SRRT: variants seen among roughly 807,000 people sequenced by gnomAD.
SRRT encodes the protein serrate RNA effector molecule homolog.
In SRRT, 32 loss-of-function variants were observed where a neutral mutation model predicts 103.2. The ratio of observed to expected loss-of-function variants is 0.31; its 90% confidence interval spans 0.23 to 0.42. SRRT has a LOEUF of 0.42. SRRT is among the 10% of genes least tolerant of loss of function. SRRT has a pLI of 1.00. For synonymous variants in SRRT, 525 were observed against 449.0 expected (o/e 1.17, Z -2.14); for missense variants, 986 against 1,207.5 (o/e 0.82, Z 2.72).
In SRRT at chr7:100,885,726, T is replaced by C. The variant is rs1389034583; in HGVS notation, c.1343T>C (p.Met448Thr). Residue 448 changes from methionine (M) to threonine (T), a missense_variant, in exon 11 of 20, where the codon ATG (methionine) becomes ACG (threonine). Around this residue, in one of 6 missense-constraint regions of SRRT, gnomAD observed 349 missense variants for 446.9 expected, o/e 0.78. Transcript: ENST00000611405. The surrounding 1 kb of genome is among the most constrained non-coding windows in gnomAD (Gnocchi z 4.8). ...ISLCKRYPGF[M>T]RVALSEPQPE... ...CTTTGTAAAAGGTACCCAGGCTTTATGCGGGTGGCGCTCTCAGAGCCCCAG... is the reference window on the plus strand; with the variant it reads ...CTTTGTAAAAGGTACCCAGGCTTTACGCGGGTGGCGCTCTCAGAGCCCCAG... The C allele has an allele frequency of 1.2e-6, 2 of 1,613,744 alleles. No homozygotes were observed. The highest frequency in any genetic ancestry group is 1.7e-6 in the Non-Finnish European group (2 of 1,179,842).
At chr7:100,886,038 C>G (rs1790062596) in intron 12 of SRRT, 97 bp downstream of exon 12, 2 of 1,448,612 alleles carry the variant, frequency 1.4e-6, no homozygotes, top group Non-Finnish European at 1.9e-6. Context: ...TTTGGTTGTT[C>G]TGCACACTCT....
chr7:100,885,915 A>G lies in SRRT; in HGVS notation c.1432A>G (p.Ile478Val). The G allele has an allele frequency of 1.9e-6, 3 of 1,613,876 alleles. No homozygotes were observed. Among genetic ancestry groups the G allele is most frequent in the Non-Finnish European group, 2.5e-6 (3 of 1,179,992 alleles). Residue 478 changes from isoleucine (I) to valine (V), a missense_variant, in exon 12 of 20, where the codon ATC becomes GTC. Coordinates refer to ENST00000611405, the MANE Select transcript of SRRT (RefSeq NM_015908.6). The surrounding 1 kb of genome is among the most constrained non-coding windows in gnomAD (Gnocchi z 4.8). ...TFDRSVNIKE[I>V]CWNLQNIRLR... ...CGACCGCAGTGTTAACATTAAAGAG[A>G]TCTGTTGGAACCTGCAGAACATCCG...
Position 100,884,756 on chromosome 7 carries a change from C to T in SRRT, c.959C>T (p.Ser320Phe). The T allele has an allele frequency of 6.2e-7, 1 of 1,613,884 alleles. No individual in the cohort carries two copies. Among genetic ancestry groups the T allele is most frequent in the Non-Finnish European group, 8.5e-7 (1 of 1,179,930 alleles). Residue 320 changes from serine (S) to phenylalanine (F), a missense_variant, in exon 8 of 20, where the codon TCT becomes TTT. Physicochemically the swap from Ser to Phe is radical, Grantham distance 155 (BLOSUM62 -2). Transcript: ENST00000611405. ...TTACCATAGGCTGAGAATGACAGTT[C>T]TAATGATGACAAAACAAAGAAGTCG... Reference protein sequence around the residue: ...EDGKQAENDSSNDDKTKKSEG... With the variant: ...EDGKQAENDSFNDDKTKKSEG...
Position 100,886,424 on chromosome 7 carries a change from C to A in SRRT, c.1636C>A (p.Pro546Thr), listed in dbSNP as rs765139403. Residue 546 changes from proline to threonine, a missense_variant, in exon 13 of 20, where the codon CCC (proline) becomes ACC (threonine). Physicochemically the swap from Pro to Thr is conservative, Grantham distance 38. Coordinates refer to ENST00000611405, the MANE Select transcript of SRRT (RefSeq NM_015908.6). ...TTGGGCCTCAGAACCAGGGACGCCT[C>A]CCCTGCCCACGGTCAGTGACTCCCC... ...QLWASEPGTP[P>T]LPTSLPSQNP... is the part of the protein sequence containing the mutation. 23 of 1,611,832 alleles carry A rather than the reference C, an allele frequency of 1.4e-5. No individual in the cohort carries two copies. The South Asian group carries it at 2.2e-4, about 15-fold the overall frequency.
At position 100,875,169 on chromosome 7, in the gene SRRT, C is replaced by G. The variant is rs190483545; in HGVS notation, c.-178C>G. 1 of 176,104 alleles carries G rather than the reference C, an allele frequency of 5.7e-6. No homozygotes were observed. The highest frequency in any genetic ancestry group is 1.2e-4 in the South Asian group (1 of 8,422). The allele number at this position is 176,104 out of a possible 1,614,324, so 10.9% of individuals were successfully genotyped here. A position where few individuals can be genotyped will look rare whatever the true frequency, so the allele number is the denominator to read the frequency against. ...GCGGGCTGCGCGCGCTACTGCCCATCCCCGGTTGTCCCACTTTTGTTCGCC... is the reference window on the plus strand; with the variant it reads ...GCGGGCTGCGCGCGCTACTGCCCATGCCCGGTTGTCCCACTTTTGTTCGCC... On this transcript the variant is annotated 5_prime_UTR_variant, in exon 1 of 20. The change creates a new upstream start codon in the 5' untranslated region. Coordinates refer to ENST00000611405, the MANE Select transcript of SRRT (RefSeq NM_015908.6).
chr7:100,886,060 G>A, intron 12 of SRRT, 119 bp downstream of exon 12: 1 of 1,350,690 alleles, frequency 7.4e-7, no homozygotes, highest in Non-Finnish European at 1.0e-6. Context: ...TGACCGTTTT[G>A]TCTGGCTACG....
chr7:100,877,305 C>CA (rs1815828791), intron 2 of SRRT, among the ~76,000 whole-genome samples: 1 of 149,884 alleles, frequency 6.7e-6, no homozygotes, highest in South Asian at 2.1e-4. Context: ...CCTGTAGTCC[C>CA]AGCTACTTGG....
Position 100,886,092 on chromosome 7 carries a change from G to A in SRRT, c.1458+151G>A. ...TACGTTGTCTCTGGGCAAGGCTCTA[G>A]GGCGTTAGCATGGACGGAACCTATG... On this transcript the variant is annotated intron_variant, in intron 12 of 19. Coordinates refer to ENST00000611405, the MANE Select transcript of SRRT (RefSeq NM_015908.6). The A allele has an allele frequency of 2.4e-6, 3 of 1,264,614 alleles. No individual in the cohort carries two copies. The South Asian group carries it at 4.1e-5, about 17-fold the overall frequency. The allele number at this position is 1,264,614 out of a possible 1,614,324, so 78.3% of individuals were successfully genotyped here. A position where few individuals can be genotyped will look rare whatever the true frequency, so the allele number is the denominator to read the frequency against.
In SRRT at chr7:100,882,870, G is replaced by A. The variant is rs1198224394; in HGVS notation, c.587+629G>A. 3.3e-5 allele frequency: 5 copies of A among 151,676 alleles called. No individual in the cohort carries two copies. Among genetic ancestry groups the A allele is most frequent in the African/African-American group, 1.2e-4 (5 of 40,862 alleles). 9.4% of individuals were successfully genotyped at this position (151,676 alleles called of 1,614,324 possible). A position where few individuals can be genotyped will look rare whatever the true frequency, so the allele number is the denominator to read the frequency against. On this transcript the variant is annotated intron_variant, in intron 5 of 19. Transcript: ENST00000611405. This position sits in a 1 kb window ranked among gnomAD's most constrained non-coding sequence, Gnocchi z 4.2. Reference sequence around the variant, plus strand: ...CATGAGCCCCTGGGCTGAGCTGCGCGGCCCCGGCCAGGCAGACAGGCCAGG... The same window carrying A: ...CATGAGCCCCTGGGCTGAGCTGCGCAGCCCCGGCCAGGCAGACAGGCCAGG...
At chr7:100,880,117 A>G (rs1816144468) in intron 2 of SRRT, among the ~76,000 whole-genome samples, 1 of 152,178 alleles carries the variant, frequency 6.6e-6, no homozygotes, top group African/African-American at 2.4e-5. Context: ...GTGTGTGGGG[A>G]TGGCAGAGAG....
rs921262492 is a variant in SRRT at position 100,887,080 on chromosome 7, G to A, written c.1855G>A (p.Val619Met). 1 of 1,614,096 alleles carries A rather than the reference G, an allele frequency of 6.2e-7. No homozygotes were observed. The highest frequency in any genetic ancestry group is 8.5e-7 in the Non-Finnish European group (1 of 1,180,054). The change falls in exon 15 of 20, where the codon GTG becomes ATG. Residue 619 changes from valine to methionine, a missense_variant. Val to Met is a conservative substitution (Grantham distance 21). Around this residue, in one of 6 missense-constraint regions of SRRT, gnomAD observed 349 missense variants for 446.9 expected, o/e 0.78. Coordinates refer to ENST00000611405, the MANE Select transcript of SRRT (RefSeq NM_015908.6). The surrounding 1 kb of genome is among the most constrained non-coding windows in gnomAD (Gnocchi z 4.1). ...LDKLLLYLRIVHSLDYYNTCE... is the reference protein window; with the variant it reads ...LDKLLLYLRIMHSLDYYNTCE... ...CAAGCTCCTCCTTTACCTGCGCATC[G>A]TGCATTCCTTGGATTATTACAACAC...
chr7:100,881,588 G>T, intron 3 of SRRT, 71 bp from the exon 4 acceptor site: 1 of 1,601,826 alleles, frequency 6.2e-7, no homozygotes. Flanking sequence ...GTGTACCCCC[G>T]TCTGTCCATC....
Position 100,875,270 on chromosome 7 carries a change from A to T in SRRT, c.-77A>T. 1 of 656,086 alleles carries T rather than the reference A, an allele frequency of 1.5e-6. No individual in the cohort carries two copies. The highest frequency in any genetic ancestry group is 2.1e-6 in the Non-Finnish European group (1 of 482,032). 40.6% of individuals were successfully genotyped at this position (656,086 alleles called of 1,614,324 possible). A position where few individuals can be genotyped will look rare whatever the true frequency, so the allele number is the denominator to read the frequency against. The stretch of plus-strand genomic sequence containing the variant: ...AGTCCTCGTCGCGCGCCCGCGACCC[A>T]GGTCGCCCTGAAATCTAGCCCGTCC... On this transcript the variant is annotated 5_prime_UTR_variant, in exon 1 of 20. Coordinates refer to ENST00000611405, the MANE Select transcript of SRRT (RefSeq NM_015908.6).
At position 100,888,663 on chromosome 7, in the gene SRRT, G is replaced by A. The variant is rs769567811; in HGVS notation, c.*114G>A. 1 of 1,470,542 alleles carries A rather than the reference G, an allele frequency of 6.8e-7. No individual in the cohort carries two copies. The highest frequency in any genetic ancestry group is 1.1e-5 in the South Asian group (1 of 87,164). 91.1% of individuals were successfully genotyped at this position (1,470,542 alleles called of 1,614,324 possible). A position where few individuals can be genotyped will look rare whatever the true frequency, so the allele number is the denominator to read the frequency against. ...ACTGCTAATAAAAGCACTTCCACAG[G>A]GCTCCTGACTCTCGTGTGTTACATA... is the stretch of plus-strand genomic sequence containing the variant. On this transcript the variant is annotated 3_prime_UTR_variant, in exon 20 of 20. Transcript: ENST00000611405.
At position 100,884,531 on chromosome 7, in the gene SRRT, G is replaced by C. The variant is rs748076523; in HGVS notation, c.921G>C (p.Glu307Asp). 22 of 1,524,198 alleles carry C rather than the reference G, an allele frequency of 1.4e-5. No homozygotes were observed. The highest frequency in any genetic ancestry group is 5.6e-5 in the South Asian group (5 of 89,914). 94.4% of individuals were successfully genotyped at this position (1,524,198 alleles called of 1,614,324 possible). A position where few individuals can be genotyped will look rare whatever the true frequency, so the allele number is the denominator to read the frequency against. The change falls in exon 7 of 20, where the codon GAG (glutamate) becomes GAC (aspartate). Residue 307 changes from glutamate (E) to aspartate (D), a missense_variant. Glu to Asp is a conservative substitution (Grantham distance 45). This residue lies in a region of SRRT where 166 missense variants were observed against 148.6 expected (regional missense o/e 1.12). Transcript: ENST00000611405. ...AGCGCAAAACCAACGACAAGGATGAGAAGAAGGAAGACGGCAAGCAGGTCC... is the reference window on the plus strand; with the variant it reads ...AGCGCAAAACCAACGACAAGGATGACAAGAAGGAAGACGGCAAGCAGGTCC... ...DGERKTNDKD[E>D]KKEDGKQAEN...
In SRRT at chr7:100,887,290, AACCTTCCTTCCTCT is replaced by A; in HGVS notation, c.1976-29_1976-16del. On this transcript the variant is annotated splice_polypyrimidine_tract_variant and intron_variant, in intron 15 of 19. Coordinates refer to ENST00000611405, the MANE Select transcript of SRRT (RefSeq NM_015908.6). This position sits in a 1 kb window ranked among gnomAD's most constrained non-coding sequence, Gnocchi z 4.1. The stretch of plus-strand genomic sequence containing the variant: ...CATCCTTCCTTCTGGCTCCCTTGCC[AACCTTCCTTCCTCT>A]GTTCCCAAACCACAGTGCTGGAGTG... 6.2e-7 allele frequency: 1 copy of A among 1,610,522 alleles called. No individual in the cohort carries two copies. The highest frequency in any genetic ancestry group is 1.1e-5 in the South Asian group (1 of 90,938).
At chr7:100,875,999 A>T in intron 2 of SRRT, 4 of 356,828 alleles carry the variant, frequency 1.1e-5, no homozygotes, top group Non-Finnish European at 2.2e-5. Flanking sequence ...TTGTTTTGTT[A>T]TTGAGATGGG....
chr7:100,885,539 C>A lies in SRRT; in HGVS notation c.1318-162C>A. 9.3e-7 allele frequency: 1 copy of A among 1,071,012 alleles called. No individual in the cohort carries two copies. The highest frequency in any genetic ancestry group is 1.4e-6 in the Non-Finnish European group (1 of 738,356). 66.3% of individuals were successfully genotyped at this position (1,071,012 alleles called of 1,614,324 possible). ...TAGTCCTGATAGCGCCATTGGCTTT[C>A]AGGTGCTGGTGTTCTGAAGCCCTTT... On this transcript the variant is annotated intron_variant, in intron 10 of 19. Coordinates refer to ENST00000611405, the MANE Select transcript of SRRT (RefSeq NM_015908.6). The surrounding 1 kb of genome is among the most constrained non-coding windows in gnomAD (Gnocchi z 4.8).
At chr7:100,881,443 C>T in intron 3 of SRRT, 30 bp downstream of exon 3, 11 of 1,603,740 alleles carry the variant, frequency 6.9e-6, no homozygotes, top group Non-Finnish European at 9.4e-6. Context: ...CTCTCCTCCC[C>T]TTTGCCTCAG....
Sources: gnomAD v4.1 joint callset for allele counts (sites outside exome capture counted in the v4.1 genomes callset) on GRCh38, gnomAD v4.1.1 for gene constraint, gnomAD v4.1.1 regional missense constraint, Gnocchi (gnomAD v3.1) non-coding constraint, MANE v1.5 for transcripts, NCBI Gene and HGNC (gene_info 2026-07-23, HGNC 2026-07-21) for gene names.